NDUFAF2: variants seen among roughly 807,000 people sequenced by gnomAD.
The protein encoded by NDUFAF2 is NADH dehydrogenase [ubiquinone] 1 alpha subcomplex assembly factor 2.
In NDUFAF2, 13 loss-of-function variants were observed where a neutral mutation model predicts 22.8. That is an observed-to-expected ratio of 0.57 (90% CI 0.37 to 0.91). The LOEUF is 0.91. NDUFAF2 is among the 40% of genes least tolerant of loss of function. The pLI, the probability that NDUFAF2 is intolerant of heterozygous loss-of-function variation, is 0.01. For missense variants in NDUFAF2, 162 were observed against 195.2 expected, an observed-to-expected ratio of 0.83 and a Z score of 1.01; for synonymous variants, 53 against 64.2, an observed-to-expected ratio of 0.83 and a Z score of 0.84.
intron 2 of NDUFAF2, among the ~76,000 whole-genome samples, chr5:61,095,823 G>A (rs1561563490): frequency 6.6e-6 from 1 of 152,152 alleles, no homozygotes; most frequent in Non-Finnish European, 1.5e-5. Flanking sequence ...TCGCTCCAGG[G>A]TGGGCTGTTG....
chr5:61,023,219 GT>G (rs1438446608), intron 1 of NDUFAF2, among the ~76,000 whole-genome samples: 1 of 151,704 alleles, frequency 6.6e-6, no homozygotes, highest in Middle Eastern at 3.2e-3. Flanking sequence ...TTTTTCTTAA[GT>G]GATTTTTTTT....
intron 1 of NDUFAF2, among the ~76,000 whole-genome samples, chr5:61,007,969 G>A (rs1751391338): frequency 6.6e-6 from 1 of 151,946 alleles, no homozygotes; most frequent in African/African-American, 2.4e-5. Context: ...ATACTATGCA[G>A]CCATAAAAAA....
intron 1 of NDUFAF2, among the ~76,000 whole-genome samples, chr5:61,007,438 G>A (rs1269181334): frequency 1.3e-5 from 2 of 151,496 alleles, no homozygotes; most frequent in Admixed American, 6.6e-5. Flanking sequence ...GATATGTGGC[G>A]TTATTTCTCA....
At chr5:60,959,705 T>C (rs927129887) in intron 1 of NDUFAF2, among the ~76,000 whole-genome samples, 23 of 152,076 alleles carry the variant, frequency 1.5e-4, no homozygotes, top group Non-Finnish European at 2.9e-4. Context: ...TTTAAAATAC[T>C]TTGTTGACTA....
intron 3 of NDUFAF2, among the ~76,000 whole-genome samples, chr5:61,145,000 G>T (rs1024646854): frequency 6.6e-6 from 1 of 152,164 alleles, no homozygotes; most frequent in Non-Finnish European, 1.5e-5. Context: ...TTGCATGAGG[G>T]ACTGTATGAT....
intron 1 of NDUFAF2, among the ~76,000 whole-genome samples, chr5:61,012,933 T>G (rs1287920656): frequency 1.3e-5 from 2 of 152,112 alleles, no homozygotes; most frequent in Non-Finnish European, 2.9e-5. Context: ...CAATTAATTG[T>G]TTTGAAAATT....
chr5:61,053,389 C>T (rs1752048693), intron 1 of NDUFAF2, among the ~76,000 whole-genome samples: 1 of 152,192 alleles, frequency 6.6e-6, no homozygotes, highest in African/African-American at 2.4e-5. Context: ...TCAGGATATG[C>T]ACCATCTCCA....
At chr5:61,127,316 G>A (rs143893633) in intron 3 of NDUFAF2, among the ~76,000 whole-genome samples, 96 of 151,818 alleles carry the variant, frequency 6.3e-4, no homozygotes, top group African/African-American at 2.0e-3. Context: ...TACCAAAGCC[G>A]GACAGAGACA....
chr5:61,049,860 A>G (rs923316908), intron 1 of NDUFAF2, among the ~76,000 whole-genome samples: 1 of 149,066 alleles, frequency 6.7e-6, no homozygotes, highest in Non-Finnish European at 1.5e-5. Flanking sequence ...AAAATTATAT[A>G]TACACAAATT....
intron 1 of NDUFAF2, among the ~76,000 whole-genome samples, chr5:60,959,055 G>T (rs1425713274): frequency 6.6e-6 from 1 of 151,950 alleles, no homozygotes; most frequent in Non-Finnish European, 1.5e-5. Context: ...CATCATATTT[G>T]TATTTAGGAT....
intron 1 of NDUFAF2, among the ~76,000 whole-genome samples, chr5:61,013,919 T>G (rs1751473222): frequency 6.6e-6 from 1 of 152,200 alleles, no homozygotes; most frequent in Admixed American, 6.5e-5. Context: ...TAATTCCTAT[T>G]GGAGATTATT....
chr5:60,977,834 C>A (rs1396757647), intron 1 of NDUFAF2, among the ~76,000 whole-genome samples: 2 of 80,880 alleles, frequency 2.5e-5, no homozygotes. Flanking sequence ...AAGACTCTGT[C>A]TCAAAAAAAA....
intron 3 of NDUFAF2, among the ~76,000 whole-genome samples, chr5:61,138,061 AGACT>A (rs1374301405): frequency 6.6e-6 from 1 of 152,244 alleles, no homozygotes; most frequent in Non-Finnish European, 1.5e-5. Flanking sequence ...TGACAGCTGC[AGACT>A]GTCTGCTCAC....
chr5:61,089,128 T>G lies in NDUFAF2; in HGVS notation c.218-9864T>G, dbSNP rs575790855. 5.3e-5 allele frequency among the ~76,000 whole-genome samples: 8 copies of G among 152,270 alleles called. No homozygotes were observed. In the South Asian group the frequency reaches 1.7e-3, roughly 32 times the overall value. On this transcript the variant is annotated intron_variant, in intron 2 of 3. Transcript: ENST00000296597. The stretch of plus-strand genomic sequence containing the variant: ...TTAAGTGATTAAAGGGTGCTTTAAT[T>G]TGCATACTCACCTTTAATCTTATTA...
At chr5:61,151,120 C>A (rs1432868207) in intron 3 of NDUFAF2, among the ~76,000 whole-genome samples, 1 of 152,164 alleles carries the variant, frequency 6.6e-6, no homozygotes, top group Non-Finnish European at 1.5e-5. Context: ...AGTCTTAACA[C>A]TAAAACCACA....
Position 61,091,260 on chromosome 5 carries a change from A to G in NDUFAF2, c.218-7732A>G, listed in dbSNP as rs1308107039. On this transcript the variant is annotated intron_variant, in intron 2 of 3. Transcript: ENST00000296597. ...TGTCTTTAGGTCTTTGAGGAATCTC[A>G]CACTGTCTTCTACAATGGTTGAACC... Among the ~76,000 whole-genome samples, 4 of 152,300 alleles carry G rather than the reference A, an allele frequency of 2.6e-5. No individual in the cohort carries two copies. The East Asian group carries it at 7.7e-4, about 29-fold the overall frequency.
chr5:61,048,428 G>A (rs1020271558), intron 1 of NDUFAF2, among the ~76,000 whole-genome samples: 6 of 152,142 alleles, frequency 3.9e-5, no homozygotes, highest in African/African-American at 7.2e-5. Flanking sequence ...CAGGTAGGAT[G>A]CCTGGAACTA....
At chr5:61,099,261 T>C (rs1194118306) in intron 3 of NDUFAF2, among the ~76,000 whole-genome samples, 1 of 151,186 alleles carries the variant, frequency 6.6e-6, no homozygotes, top group Non-Finnish European at 1.5e-5. Flanking sequence ...GTATAAATTT[T>C]AAAGTGAAAT....
At chr5:61,098,266 C>G (rs1290962106) in intron 2 of NDUFAF2, among the ~76,000 whole-genome samples, 2 of 152,196 alleles carry the variant, frequency 1.3e-5, no homozygotes, top group African/African-American at 4.8e-5. Flanking sequence ...CCAGGTGACA[C>G]AGACAGTAAG....
Sources: allele counts gnomAD v4.1 joint callset (sites outside exome capture counted in the v4.1 genomes callset), GRCh38; gene constraint gnomAD v4.1.1; transcripts MANE v1.5; gene names NCBI Gene and HGNC (gene_info 2026-07-23, HGNC 2026-07-21).